The following ST6GALNAC1 variants were observed in gnomAD, a reference collection of about 807,000 sequenced individuals.
ST6GALNAC1 encodes ST6 N-acetylgalactosaminide alpha-2,6-sialyltransferase 1.
In ST6GALNAC1, 45 loss-of-function variants were observed where a neutral mutation model predicts 56.8. That is an observed-to-expected ratio of 0.79 (90% CI 0.62 to 1.02). The LOEUF is 1.02. ST6GALNAC1 is among the 50% of genes least tolerant of loss of function. The pLI is 0.00. For missense variants in ST6GALNAC1, 743 were observed against 754.8 expected (o/e 0.98, Z 0.18); for synonymous variants, 295 against 297.8 (o/e 0.99, Z 0.10).
downstream of ST6GALNAC1, among the ~76,000 whole-genome samples, chr17:76,622,802 T>TTTC (rs1436235510): frequency 2.7e-5 from 4 of 149,924 alleles, no homozygotes; most frequent in African/African-American, 1.0e-4. Context: ...TCATTTCTTT[T>TTTC]TTTTTTTTTT....
In ST6GALNAC1 at chr17:76,625,384, C is replaced by G. The variant is rs771586239; in HGVS notation, c.1749G>C (p.Gly583=). The change falls in exon 9 of 9, where the codon GGG becomes GGC. Residue 583 remains glycine, a synonymous_variant. Transcript: ENST00000156626. ...CAGGACGCTGGTACAGCCGGATTAT[C>G]CCTTCATCGTGTAGCCGCTTCCAGA... ...REVWKRLHDE[G]IIRLYQRPGP... is the part of the protein sequence containing the mutation. 6.2e-7 allele frequency: 1 copy of G among 1,614,172 alleles called. No individual in the cohort carries two copies. The highest frequency in any genetic ancestry group is 1.1e-5 in the South Asian group (1 of 91,088).
chr17:76,622,172 G>C (rs201806586), downstream of ST6GALNAC1, among the ~76,000 whole-genome samples: 1 of 149,874 alleles, frequency 6.7e-6, no homozygotes, highest in East Asian at 1.9e-4. Flanking sequence ...CTTTTTTGGG[G>C]AGTTGCTGTT....
At chr17:76,630,576 T>C (rs2075878053) in intron 1 of ST6GALNAC1, among the ~76,000 whole-genome samples, 1 of 150,468 alleles carries the variant, frequency 6.6e-6, no homozygotes, top group African/African-American at 2.5e-5. Flanking sequence ...CCTTCCTCCT[T>C]GAAACCCTTC....
the ST6GALNAC1 span, among the ~76,000 whole-genome samples, chr17:76,618,737 C>T: frequency 1.7e-4 from 26 of 150,482 alleles, no homozygotes; most frequent in Admixed American, 2.7e-4. Flanking sequence ...GCTGAGATCG[C>T]GCCACTGCAC....
chr17:76,642,988 G>T (rs564675588), intron 1 of ST6GALNAC1, among the ~76,000 whole-genome samples: 10 of 151,882 alleles, frequency 6.6e-5, no homozygotes, highest in Non-Finnish European at 1.2e-4. Flanking sequence ...TAAGAAAAAT[G>T]GTCTAGAAGG....
At chr17:76,622,013 G>T (rs2143398028), downstream of ST6GALNAC1, among the ~76,000 whole-genome samples, 1 of 145,808 alleles carries the variant, frequency 6.9e-6, no homozygotes, top group South Asian at 2.2e-4. Flanking sequence ...TGCCCAGGCT[G>T]GTCTTGAAAT....
downstream of ST6GALNAC1, among the ~76,000 whole-genome samples, chr17:76,622,733 A>G (rs2075754176): frequency 6.6e-6 from 1 of 151,774 alleles, no homozygotes; most frequent in Admixed American, 6.6e-5. Context: ...CCTAGTTAGA[A>G]ATCTTTTTCT....
chr17:76,625,873 G>T lies in ST6GALNAC1; in HGVS notation c.1551C>A (p.Tyr517Ter). The T allele has an allele frequency of 6.4e-7, 1 of 1,555,716 alleles. No homozygotes were observed. Among genetic ancestry groups the T allele is most frequent in the Non-Finnish European group, 8.7e-7 (1 of 1,152,520 alleles). Residue 517 changes from tyrosine (Y) to a stop codon, truncating the protein, a stop_gained, in exon 8 of 9, where the codon TAC becomes TAA. Transcript: ENST00000156626. LOFTEE classifies it high-confidence loss of function. ...GCAGGAGGGCCCCAGTGGTGGGGCG[G>T]TATATCCTCCAGTGGGCACCATCCA... ...KTLDGAHWRI[Y>*]RPTTGALLLL...
intron 1 of ST6GALNAC1, among the ~76,000 whole-genome samples, chr17:76,634,943 G>A (rs2075958047): frequency 1.3e-5 from 2 of 152,050 alleles, no homozygotes; most frequent in Admixed American, 1.3e-4. Context: ...AATCCTGAAA[G>A]TTTTCTAAAA....
At chr17:76,628,029 G>A (rs997910988) in intron 2 of ST6GALNAC1, among the ~76,000 whole-genome samples, 7 of 150,966 alleles carry the variant, frequency 4.6e-5, no homozygotes, top group African/African-American at 9.7e-5. Flanking sequence ...CCCGGGAAGC[G>A]GAGCTTGCAG....
rs1285661253 is a variant in ST6GALNAC1, at chr17:76,643,525, A to T, written c.114T>A (p.Pro38=). The T allele has an allele frequency of 1.2e-6, 2 of 1,614,052 alleles. No individual in the cohort carries two copies. The highest frequency in any genetic ancestry group is 3.3e-4 in the Middle Eastern group (2 of 6,062). The change falls in exon 1 of 9, where the codon CCT becomes CCA. Residue 38 remains proline, a synonymous_variant. Coordinates refer to ENST00000156626, the MANE Select transcript of ST6GALNAC1 (RefSeq NM_018414.5). ...LFALPSFIKE[P]QTKPSRHQRT... is the part of the protein sequence containing the mutation. ...AATCTTACCTGGAAGGCTTTGTTTG[A>T]GGCTCCTTAATAAAAGAGGGCAAGG...
intron 1 of ST6GALNAC1, among the ~76,000 whole-genome samples, chr17:76,642,374 T>C (rs2076060718): frequency 6.6e-6 from 1 of 152,180 alleles, no homozygotes; most frequent in Admixed American, 6.6e-5. Context: ...CAGTTCTGTG[T>C]ATCTCAGTGT....
At chr17:76,628,409 C>T (rs1355820346) in intron 2 of ST6GALNAC1, among the ~76,000 whole-genome samples, 1 of 152,080 alleles carries the variant, frequency 6.6e-6, no homozygotes, top group African/African-American at 2.4e-5. Flanking sequence ...TCCTGAGTAG[C>T]TGGGACTACA....
chr17:76,640,280 G>A (rs543039324), intron 1 of ST6GALNAC1, among the ~76,000 whole-genome samples: 2 of 152,254 alleles, frequency 1.3e-5, no homozygotes, highest in East Asian at 1.9e-4. Context: ...GGAGGGAGGG[G>A]CAGGGTGGTT....
At chr17:76,641,483 T>C (rs555151029) in intron 1 of ST6GALNAC1, among the ~76,000 whole-genome samples, 1 of 152,228 alleles carries the variant, frequency 6.6e-6, no homozygotes, top group South Asian at 2.1e-4. Flanking sequence ...CATAGAAAAG[T>C]ACAAATGACT....
At chr17:76,632,099 C>T (rs559822567) in intron 1 of ST6GALNAC1, among the ~76,000 whole-genome samples, 14 of 152,140 alleles carry the variant, frequency 9.2e-5, no homozygotes, top group African/African-American at 2.7e-4. Flanking sequence ...GCTGTTCACC[C>T]GGTTTAACAA....
At chr17:76,639,670 CA>C (rs1296973130) in intron 1 of ST6GALNAC1, among the ~76,000 whole-genome samples, 8 of 150,458 alleles carry the variant, frequency 5.3e-5, no homozygotes, top group African/African-American at 1.5e-4. Context: ...CACACACACA[CA>C]CACACACACA....
rs1478999910 is a variant in ST6GALNAC1 at position 76,627,459 on chromosome 17, T to C, written c.956A>G (p.Glu319Gly). 2 of 1,614,152 alleles carry C rather than the reference T, an allele frequency of 1.2e-6. No homozygotes were observed. The highest frequency in any genetic ancestry group is 3.3e-5 in the Admixed American group (2 of 60,012). ...HFNQSEWDRL[E>G]HFAPPFGFME... is the part of the protein sequence containing the mutation. ...GAAGCCAAAGGGTGGTGCAAAGTGT[T>C]CCAGGCGGTCCCACTCACTCTGGTT... The change falls in exon 3 of 9, where the codon GAA becomes GGA. Residue 319 changes from glutamate (E) to glycine (G), a missense_variant. Glu to Gly is a moderately conservative substitution (Grantham distance 98). Coordinates refer to ENST00000156626, the MANE Select transcript of ST6GALNAC1 (RefSeq NM_018414.5). This position sits in a 1 kb window ranked among gnomAD's most constrained non-coding sequence, Gnocchi z 4.4.
intron 1 of ST6GALNAC1, among the ~76,000 whole-genome samples, chr17:76,640,628 C>T (rs1219326886): frequency 6.6e-6 from 1 of 152,098 alleles, no homozygotes; most frequent in Non-Finnish European, 1.5e-5. Context: ...AAGAAAATTT[C>T]TGATGGATTC....
Sources: allele counts gnomAD v4.1 joint callset (sites outside exome capture counted in the v4.1 genomes callset), GRCh38; gene constraint gnomAD v4.1.1; non-coding constraint Gnocchi (gnomAD v3.1); transcripts MANE v1.5; gene names NCBI Gene and HGNC (gene_info 2026-07-23, HGNC 2026-07-21).